The following ELOVL5 variants were observed in gnomAD, a reference collection of about 807,000 sequenced individuals.
ELOVL5 encodes very long chain fatty acid elongase 5.
A neutral mutation model predicts 38.6 loss-of-function variants in ELOVL5; 8 were observed. The observed-to-expected ratio is 0.21, with a 90% CI of 0.12 to 0.37. The LOEUF (loss-of-function observed/expected upper bound fraction) is 0.37. ELOVL5 is among the 10% of genes least tolerant of loss of function. The pLI, the probability that ELOVL5 is intolerant of heterozygous loss-of-function variation, is 1.00. For synonymous variants in ELOVL5, 127 were observed against 133.7 expected (o/e 0.95, Z 0.34); for missense variants, 280 against 367.8 (o/e 0.76, Z 1.95).
rs376546969 is a variant in ELOVL5 at position 53,276,203 on chromosome 6, G to A, written c.300C>T (p.Arg100=). 1.9e-6 allele frequency: 3 copies of A among 1,612,992 alleles called. No individual in the cohort carries two copies. The highest frequency in any genetic ancestry group is 2.5e-6 in the Non-Finnish European group (3 of 1,179,082). ...GKYNFFCQGT[R]TAGESDMKII... is the part of the protein sequence containing the mutation. ...CCTTCATATCTGATTCTCCTGCGGT[G>A]CGTGTGCCCTGACAGAAGAAGTTGT... is the stretch of plus-strand genomic sequence containing the variant. The change falls in exon 4 of 8, where the codon CGC becomes CGT. Residue 100 remains arginine (R), a synonymous_variant. Transcript: ENST00000304434.
intron 3 of ELOVL5, chr6:53,288,064 C>T: frequency 1.2e-6 from 1 of 812,470 alleles, no homozygotes; most frequent in Non-Finnish European, 2.0e-6. Flanking sequence ...AAGAGGGAAA[C>T]CACCTGTAAC....
At chr6:53,310,012 T>C (rs1381001396) in intron 1 of ELOVL5, among the ~76,000 whole-genome samples, 1 of 152,150 alleles carries the variant, frequency 6.6e-6, no homozygotes, top group Non-Finnish European at 1.5e-5. Context: ...TAACAATAGA[T>C]AAAAGCCTTA....
At chr6:53,330,511 TATA>T (rs966789713) in intron 1 of ELOVL5, among the ~76,000 whole-genome samples, 5 of 134,932 alleles carry the variant, frequency 3.7e-5, no homozygotes, top group Non-Finnish European at 8.1e-5. Context: ...TTTTTTTCTT[TATA>T]AACTTTTTTT....
chr6:53,323,576 CTTTTTTTTT>C (rs3063792), intron 1 of ELOVL5, among the ~76,000 whole-genome samples: 5 of 81,544 alleles, frequency 6.1e-5, no homozygotes, highest in African/African-American at 1.4e-4. Context: ...TACTAGCCAG[CTTTTTTTTT>C]TTTTTTTTTT....
intron 3 of ELOVL5, among the ~76,000 whole-genome samples, chr6:53,278,819 C>G (rs1766243103): frequency 6.6e-6 from 1 of 152,174 alleles, no homozygotes; most frequent in African/African-American, 2.4e-5. Flanking sequence ...CCGCTGTGCC[C>G]CTCAAACCAC....
At chr6:53,274,548 T>C (rs1581919153) in intron 5 of ELOVL5, among the ~76,000 whole-genome samples, 1 of 152,126 alleles carries the variant, frequency 6.6e-6, no homozygotes, top group African/African-American at 2.4e-5. Flanking sequence ...ATAAGAAACT[T>C]TGGACTACAA....
chr6:53,334,661 C>G (rs935512244), intron 1 of ELOVL5, among the ~76,000 whole-genome samples: 1 of 152,124 alleles, frequency 6.6e-6, no homozygotes, highest in South Asian at 2.1e-4. Context: ...ATTCCAATCT[C>G]AAGGACCAGT....
intron 1 of ELOVL5, among the ~76,000 whole-genome samples, chr6:53,334,387 C>A (rs1007740057): frequency 6.6e-6 from 1 of 152,030 alleles, no homozygotes; most frequent in African/African-American, 2.4e-5. Context: ...AAGGGAGGGC[C>A]ATATAACTTT....
At chr6:53,311,739 C>T (rs1429144) in intron 1 of ELOVL5, among the ~76,000 whole-genome samples, 10,055 of 152,124 alleles carry the variant, frequency 0.066, 608 homozygotes, top group Admixed American at 0.22. Context: ...CACAAAAGGC[C>T]ACAGATGATT....
intron 2 of ELOVL5, chr6:53,294,284 C>G: frequency 6.4e-7 from 1 of 1,561,942 alleles, no homozygotes; most frequent in South Asian, 1.2e-5. Context: ...GTGGCTGGTT[C>G]AGGCAGGGGC....
chr6:53,268,223 A>G lies in ELOVL5; in HGVS notation c.*904T>C, dbSNP rs1168285040. 1 of 152,176 alleles carries G rather than the reference A, an allele frequency of 6.6e-6. No homozygotes were observed. Among genetic ancestry groups the G allele is most frequent in the East Asian group, 1.9e-4 (1 of 5,190 alleles). 9.4% of individuals were successfully genotyped at this position (152,176 alleles called of 1,614,324 possible). ...TTGCTCATCTACGGGACTCTGTCAA[A>G]CGGTAAATAGGCAATCATCTCTCTT... On this transcript the variant is annotated 3_prime_UTR_variant, in exon 8 of 8. Transcript: ENST00000304434.
chr6:53,324,267 AAAAAAAAAG>A (rs1768420478), intron 1 of ELOVL5, among the ~76,000 whole-genome samples: 2 of 151,394 alleles, frequency 1.3e-5, no homozygotes, highest in Non-Finnish European at 2.9e-5. Flanking sequence ...AAAAAAAAAA[AAAAAAAAAG>A]AAAAAAAAGA....
At chr6:53,282,368 G>C (rs1691399973) in intron 3 of ELOVL5, among the ~76,000 whole-genome samples, 2 of 152,230 alleles carry the variant, frequency 1.3e-5, no homozygotes, top group South Asian at 4.1e-4. Flanking sequence ...TCCAGGTGTT[G>C]CAGGGGCAAG....
At chr6:53,348,149 C>T (rs1319869311) in intron 1 of ELOVL5, among the ~76,000 whole-genome samples, 1 of 152,142 alleles carries the variant, frequency 6.6e-6, no homozygotes, top group Non-Finnish European at 1.5e-5. Context: ...CCTCATCCCT[C>T]CCTGAGTACC....
intron 2 of ELOVL5, among the ~76,000 whole-genome samples, chr6:53,293,088 A>C (rs181463992): frequency 3.9e-5 from 6 of 152,210 alleles, no homozygotes; most frequent in African/African-American, 1.4e-4. Flanking sequence ...GTCCCCTGAA[A>C]GATTCAGCTT....
intron 1 of ELOVL5, among the ~76,000 whole-genome samples, chr6:53,328,572 G>A (rs900017037): frequency 6.6e-6 from 1 of 152,028 alleles, no homozygotes; most frequent in African/African-American, 2.4e-5. Flanking sequence ...TGGAGATGTG[G>A]GACATGATGC....
At chr6:53,270,820 C>G in intron 6 of ELOVL5, 93 bp from the exon 7 acceptor site, 1 of 1,464,426 alleles carries the variant, frequency 6.8e-7, no homozygotes, top group Non-Finnish European at 9.4e-7. Context: ...ACCTAAATTT[C>G]TGAATTAACA....
intron 4 of ELOVL5, among the ~76,000 whole-genome samples, chr6:53,275,860 T>C (rs1766092847): frequency 6.6e-6 from 1 of 152,214 alleles, no homozygotes; most frequent in East Asian, 1.9e-4. Flanking sequence ...AAAAAAGTAC[T>C]TGGATGAATG....
At chr6:53,279,907 T>A (rs1296480751) in intron 3 of ELOVL5, among the ~76,000 whole-genome samples, 1 of 152,058 alleles carries the variant, frequency 6.6e-6, no homozygotes, top group African/African-American at 2.4e-5. Context: ...ACTCCCTCCA[T>A]CCCCCTCAGA....
Sources: gnomAD v4.1 joint callset for allele counts (sites outside exome capture counted in the v4.1 genomes callset) on GRCh38, gnomAD v4.1.1 for gene constraint, MANE v1.5 for transcripts, NCBI Gene and HGNC (gene_info 2026-07-23, HGNC 2026-07-21) for gene names.